Variants in BCKDK observed in about 807,000 individuals in gnomAD.
BCKDK encodes branched-chain alpha-ketoacid dehydrogenase kinase.
A neutral mutation model predicts 43.9 loss-of-function variants in BCKDK; 28 were observed. The observed-to-expected ratio is 0.64, with a 90% CI of 0.47 to 0.87. The LOEUF (loss-of-function observed/expected upper bound fraction) is 0.87. Among genes scored for constraint, BCKDK ranks in the 40% least tolerant of loss-of-function variants. The pLI is 0.00. For synonymous variants in BCKDK, 257 were observed against 234.3 expected (o/e 1.10, Z -0.88); for missense variants, 483 against 581.4 (o/e 0.83, Z 1.74).
chr16:31,110,887 C>A lies in BCKDK; in HGVS notation c.716+126C>A. 7.2e-7 allele frequency: 1 copy of A among 1,388,036 alleles called. No homozygotes were observed. The highest frequency in any genetic ancestry group is 1.0e-6 in the Non-Finnish European group (1 of 994,548). 86.0% of individuals were successfully genotyped at this position (1,388,036 alleles called of 1,614,324 possible). A position where few individuals can be genotyped will look rare whatever the true frequency, so the allele number is the denominator to read the frequency against. The stretch of plus-strand genomic sequence containing the variant: ...TCAACCATGGCACTATTGACATTTC[C>A]AGCCAGATAATTCTTTGTCACAGGG... On this transcript the variant is annotated intron_variant, in intron 8 of 11. Coordinates refer to ENST00000219794, the MANE Select transcript of BCKDK (RefSeq NM_005881.4). This position sits in a 1 kb window ranked among gnomAD's most constrained non-coding sequence, Gnocchi z 5.4.
chr16:31,116,736 G>C (rs2057448294), downstream of BCKDK, among the ~76,000 whole-genome samples: 1 of 140,296 alleles, frequency 7.1e-6, no homozygotes, highest in Admixed American at 7.2e-5. Context: ...GGCCAACAGG[G>C]TGAAGCCCTC....
chr16:31,109,844 T>C lies in BCKDK; in HGVS notation c.375+61T>C. 1 of 1,555,802 alleles carries C rather than the reference T, an allele frequency of 6.4e-7. No individual in the cohort carries two copies. Among genetic ancestry groups the C allele is most frequent in the Non-Finnish European group, 8.9e-7 (1 of 1,129,044 alleles). On this transcript the variant is annotated intron_variant, in intron 4 of 11. Transcript: ENST00000219794. This position sits in a 1 kb window ranked among gnomAD's most constrained non-coding sequence, Gnocchi z 5.3. ...CTGCCCCGGGGGCAAGTGGGGAGTC[T>C]GGGGCCCAGAGTGGCAGACGATTGC...
In BCKDK at chr16:31,111,921, GAC is replaced by G; in HGVS notation, c.989_990del (p.Asp330ValfsTer7). 1 of 1,614,186 alleles carries G rather than the reference GAC, an allele frequency of 6.2e-7. No individual in the cohort carries two copies. Among genetic ancestry groups the G allele is most frequent in the Non-Finnish European group, 8.5e-7 (1 of 1,180,032 alleles). On this transcript the variant is annotated frameshift_variant, in exon 11 of 12. Transcript: ENST00000219794. LOFTEE classifies it high-confidence loss of function. ...IAHKDLDRVM[D>X]YHFTTAEAST... ...TCACAAAGATCTGGACCGGGTCATG[GAC>G]TACCACTTCACTACTGCTGAGGCCA...
At position 31,110,226 on chromosome 16, in the gene BCKDK, G is replaced by T. The variant is rs777399329; in HGVS notation, c.445G>T (p.Ala149Ser). Residue 149 changes from alanine (A) to serine (S), a missense_variant, in exon 6 of 12, where the codon GCC becomes TCC. Physicochemically the swap from Ala to Ser is moderately conservative, Grantham distance 99. Transcript: ENST00000219794. The surrounding 1 kb of genome is among the most constrained non-coding windows in gnomAD (Gnocchi z 5.4). ...GCAGATCAAGGACCAGGCGGACGAGGCCCAGTACTGCCAGCTGGTGCGACA... is the reference window on the plus strand; with the variant it reads ...GCAGATCAAGGACCAGGCGGACGAGTCCCAGTACTGCCAGCTGGTGCGACA... ...FPPIKDQADE[A>S]QYCQLVRQLL... 4 of 1,614,090 alleles carry T rather than the reference G, an allele frequency of 2.5e-6. No individual in the cohort carries two copies. The highest frequency in any genetic ancestry group is 3.4e-6 in the Non-Finnish European group (4 of 1,180,018).
Position 31,109,547 on chromosome 16 carries a change from G to A in BCKDK, c.232G>A (p.Ala78Thr), listed in dbSNP as rs1316694364. The change falls in exon 3 of 12, where the codon GCT (alanine) becomes ACT (threonine). Residue 78 changes from alanine to threonine, a missense_variant. Ala to Thr is a moderately conservative substitution (Grantham distance 58). Coordinates refer to ENST00000219794, the MANE Select transcript of BCKDK (RefSeq NM_005881.4). The surrounding 1 kb of genome is among the most constrained non-coding windows in gnomAD (Gnocchi z 5.3). ...CCTAACGCCCACCATGATGCTCTAC[G>A]CTGGCCGCTCTCAGGACGGCAGCCA... ...VRLTPTMMLY[A>T]GRSQDGSHLL... 4 of 1,614,066 alleles carry A rather than the reference G, an allele frequency of 2.5e-6. No homozygotes were observed. Among genetic ancestry groups the A allele is most frequent in the Non-Finnish European group, 3.4e-6 (4 of 1,180,024 alleles).
At position 31,110,872 on chromosome 16, in the gene BCKDK, C is replaced by A. The variant is rs1212088830; in HGVS notation, c.716+111C>A. The A allele has an allele frequency of 2.1e-6, 3 of 1,407,724 alleles. No individual in the cohort carries two copies. Among genetic ancestry groups the A allele is most frequent in the East Asian group, 2.3e-5 (1 of 43,778 alleles). 87.2% of individuals were successfully genotyped at this position (1,407,724 alleles called of 1,614,324 possible). A position where few individuals can be genotyped will look rare whatever the true frequency, so the allele number is the denominator to read the frequency against. Reference sequence around the variant, plus strand: ...GGGGAGCAGGGTTTCTCAACCATGGCACTATTGACATTTCCAGCCAGATAA... The same window carrying A: ...GGGGAGCAGGGTTTCTCAACCATGGAACTATTGACATTTCCAGCCAGATAA... On this transcript the variant is annotated intron_variant, in intron 8 of 11. Transcript: ENST00000219794. This position sits in a 1 kb window ranked among gnomAD's most constrained non-coding sequence, Gnocchi z 5.4.
chr16:31,111,034 C>T (rs1328499740), intron 8 of BCKDK, 57 bp from the exon 9 acceptor site: 2 of 1,602,786 alleles, frequency 1.2e-6, no homozygotes, highest in East Asian at 2.2e-5. Context: ...AGAATTGTTT[C>T]CAGTTGCAAA....
At position 31,112,158 on chromosome 16, in the gene BCKDK, G is replaced by C; in HGVS notation, c.1132G>C (p.Glu378Gln). 6.2e-7 allele frequency: 1 copy of C among 1,613,622 alleles called. No individual in the cohort carries two copies. The highest frequency in any genetic ancestry group is 8.5e-7 in the Non-Finnish European group (1 of 1,179,984). The change falls in exon 12 of 12, where the codon GAG becomes CAG. Residue 378 changes from glutamate to glutamine, a missense_variant. Coordinates refer to ENST00000219794, the MANE Select transcript of BCKDK (RefSeq NM_005881.4). The surrounding 1 kb of genome is among the most constrained non-coding windows in gnomAD (Gnocchi z 5.0). ...FGLPTSRAYA[E>Q]YLGGSLQLQS... ...GTTGCCCACGTCACGGGCCTACGCG[G>C]AGTACCTCGGTGGGTCTCTGCAGCT... is the stretch of plus-strand genomic sequence containing the variant.
In BCKDK at chr16:31,111,905, T is replaced by C. The variant is rs1473475665; in HGVS notation, c.972T>C (p.Asp324=). 3.1e-6 allele frequency: 5 copies of C among 1,614,102 alleles called. No individual in the cohort carries two copies. In the Admixed American group the frequency reaches 6.7e-5, roughly 22 times the overall value. Residue 324 remains aspartate (D), a synonymous_variant, in exon 11 of 12, where the codon GAT becomes GAC. Coordinates refer to ENST00000219794, the MANE Select transcript of BCKDK (RefSeq NM_005881.4). ...SDRGGGIAHK[D]LDRVMDYHFT... is the part of the protein sequence containing the mutation. ...GTGGTGGAGGAATCGCTCACAAAGA[T>C]CTGGACCGGGTCATGGACTACCACT...
At position 31,111,978 on chromosome 16, in the gene BCKDK, T is replaced by C. The variant is rs376691315; in HGVS notation, c.1045T>C (p.Phe349Leu). The change falls in exon 11 of 12, where the codon TTT (phenylalanine) becomes CTT (leucine). Residue 349 changes from phenylalanine (F) to leucine (L), a missense_variant. Physicochemically the swap from Phe to Leu is conservative, Grantham distance 22 (BLOSUM62 0). Transcript: ENST00000219794. ...STQDPRISPL[F>L]GHLDMHSGAQ... ...ACAGGACCCCCGGATCAGCCCCCTC[T>C]TTGGCCATCTGGACATGCATAGTGG... 2.5e-6 allele frequency: 4 copies of C among 1,614,100 alleles called. No individual in the cohort carries two copies. The African/African-American group carries it at 5.3e-5, about 22-fold the overall frequency.
chr16:31,114,923 C>CTT (rs757357544), downstream of BCKDK, among the ~76,000 whole-genome samples: 3 of 152,172 alleles, frequency 2.0e-5, no homozygotes, highest in East Asian at 1.9e-4. Flanking sequence ...CTTCCTCCCT[C>CTT]TTTTTTCTTT....
downstream of BCKDK, among the ~76,000 whole-genome samples, chr16:31,116,105 A>ACGGAGTTTCAT (rs1247895813): frequency 6.8e-6 from 1 of 147,132 alleles, no homozygotes; most frequent in East Asian, 2.0e-4. Flanking sequence ...TTTAGTAGAG[A>ACGGAGTTTCAT]CGGAGTTTCA....
chr16:31,112,075 C>T lies in BCKDK; in HGVS notation c.1095-46C>T. The T allele has an allele frequency of 1.2e-6, 2 of 1,610,760 alleles. No homozygotes were observed. Among genetic ancestry groups the T allele is most frequent in the East Asian group, 2.2e-5 (1 of 44,862 alleles). On this transcript the variant is annotated intron_variant, in intron 11 of 11. Transcript: ENST00000219794. This position sits in a 1 kb window ranked among gnomAD's most constrained non-coding sequence, Gnocchi z 5.0. ...TGGAGGGGTGGGGGACCCCAGGAGACTCAAGCCTCTGAAGCCTCCTGTCCT... is the reference window on the plus strand; with the variant it reads ...TGGAGGGGTGGGGGACCCCAGGAGATTCAAGCCTCTGAAGCCTCCTGTCCT...
chr16:31,111,261 C>G, intron 9 of BCKDK, 39 bp from the exon 10 acceptor site: 1 of 1,614,106 alleles, frequency 6.2e-7, no homozygotes, highest in Non-Finnish European at 8.5e-7. Flanking sequence ...GGACAGGAAC[C>G]GGGGTGCTTG....
At chr16:31,111,430 G>C (rs760797698) in intron 10 of BCKDK, 41 bp downstream of exon 10, 1 of 1,592,618 alleles carries the variant, frequency 6.3e-7, no homozygotes, top group South Asian at 1.1e-5. Flanking sequence ...GGATGGGATG[G>C]GGGTCTAGGC....
In BCKDK at chr16:31,110,785, G is replaced by T; in HGVS notation, c.716+24G>T. On this transcript the variant is annotated intron_variant, in intron 8 of 11. Coordinates refer to ENST00000219794, the MANE Select transcript of BCKDK (RefSeq NM_005881.4). The surrounding 1 kb of genome is among the most constrained non-coding windows in gnomAD (Gnocchi z 5.4). Reference sequence around the variant, plus strand: ...AGGTGAGGCAAGAATGGCTCAGGGGGTGGGCAGACATCTGGGGCAGGGAAG... The same window carrying T: ...AGGTGAGGCAAGAATGGCTCAGGGGTTGGGCAGACATCTGGGGCAGGGAAG... 6.2e-7 allele frequency: 1 copy of T among 1,609,542 alleles called. No homozygotes were observed. The highest frequency in any genetic ancestry group is 8.5e-7 in the Non-Finnish European group (1 of 1,175,884).
chr16:31,110,917 C>A lies in BCKDK; in HGVS notation c.716+156C>A. On this transcript the variant is annotated intron_variant, in intron 8 of 11. Coordinates refer to ENST00000219794, the MANE Select transcript of BCKDK (RefSeq NM_005881.4). The surrounding 1 kb of genome is among the most constrained non-coding windows in gnomAD (Gnocchi z 5.4). ...AGATAATTCTTTGTCACAGGGGCTG[C>A]CCCGTGCACGTTAGGAAGTTCAGCA... 7.6e-7 allele frequency: 1 copy of A among 1,318,918 alleles called. No individual in the cohort carries two copies. Among genetic ancestry groups the A allele is most frequent in the Non-Finnish European group, 1.1e-6 (1 of 946,498 alleles). 81.7% of individuals were successfully genotyped at this position (1,318,918 alleles called of 1,614,324 possible). A position where few individuals can be genotyped will look rare whatever the true frequency, so the allele number is the denominator to read the frequency against.
Position 31,108,457 on chromosome 16 carries a change from C to G in BCKDK, c.-200C>G, listed in dbSNP as rs1218621791. 1 of 152,218 alleles carries G rather than the reference C, an allele frequency of 6.6e-6. No homozygotes were observed. The highest frequency in any genetic ancestry group is 1.9e-4 in the East Asian group (1 of 5,190). 9.4% of individuals were successfully genotyped at this position (152,218 alleles called of 1,614,324 possible). ...CTGTTCGAGCCCTTCCGCTGGGACC[C>G]GGGCCCTGGCTCCGGCCCCGCGGTA... On this transcript the variant is annotated 5_prime_UTR_variant, in exon 1 of 12. Transcript: ENST00000219794. This position sits in a 1 kb window ranked among gnomAD's most constrained non-coding sequence, Gnocchi z 6.2.
At chr16:31,114,923 CT>C (rs757357544), downstream of BCKDK, among the ~76,000 whole-genome samples, 1 of 152,054 alleles carries the variant, frequency 6.6e-6, no homozygotes, top group Non-Finnish European at 1.5e-5. Flanking sequence ...CTTCCTCCCT[CT>C]TTTTTCTTTT....
Sources: gnomAD v4.1 joint callset for allele counts (sites outside exome capture counted in the v4.1 genomes callset) on GRCh38, gnomAD v4.1.1 for gene constraint, Gnocchi (gnomAD v3.1) non-coding constraint, MANE v1.5 for transcripts, NCBI Gene and HGNC (gene_info 2026-07-23, HGNC 2026-07-21) for gene names.